Variants in STAG1 observed in about 807,000 individuals in gnomAD.
STAG1 encodes cohesin subunit SA-1.
A neutral mutation model predicts 170.9 loss-of-function variants in STAG1; 26 were observed. The observed-to-expected ratio is 0.15, with a 90% confidence interval of 0.11 to 0.21. STAG1 has a LOEUF of 0.21. STAG1 is among the 10% of genes least tolerant of loss of function. STAG1 has a pLI of 1.00. For missense variants in STAG1, 964 were observed against 1,509.5 expected, an observed-to-expected ratio of 0.64 and a Z score of 5.99; for synonymous variants, 514 against 497.7, an observed-to-expected ratio of 1.03 and a Z score of -0.44.
intron 14 of STAG1, among the ~76,000 whole-genome samples, chr3:136,449,849 TA>T (rs1310068757): frequency 6.6e-6 from 1 of 151,230 alleles, no homozygotes; most frequent in Non-Finnish European, 1.5e-5. Flanking sequence ...TCATATTCCC[TA>T]AACTTTTTAG....
intron 9 of STAG1, among the ~76,000 whole-genome samples, chr3:136,484,949 C>T (rs1471471570): frequency 1.3e-5 from 2 of 152,180 alleles, no homozygotes; most frequent in Admixed American, 6.5e-5. Flanking sequence ...GCACGGTGCG[C>T]GCACACACTG....
intron 6 of STAG1, among the ~76,000 whole-genome samples, chr3:136,537,460 T>A (rs1325438734): frequency 6.6e-6 from 1 of 151,888 alleles, no homozygotes; most frequent in African/African-American, 2.4e-5. Context: ...ACCACTTCAA[T>A]GACTTTAAGC....
chr3:136,608,017 G>A (rs1232023989), intron 3 of STAG1, among the ~76,000 whole-genome samples: 1 of 152,182 alleles, frequency 6.6e-6, no homozygotes, highest in Non-Finnish European at 1.5e-5. Flanking sequence ...AGCACCTTGG[G>A]AGGCCAAGGC....
At chr3:136,550,644 T>C (rs933564178) in intron 5 of STAG1, among the ~76,000 whole-genome samples, 2 of 152,076 alleles carry the variant, frequency 1.3e-5, no homozygotes, top group Non-Finnish European at 2.9e-5. Context: ...TCTTGATAGG[T>C]TGTATGTTTC....
chr3:136,574,330 ATGTG>A (rs566732708), intron 4 of STAG1, among the ~76,000 whole-genome samples: 2 of 150,872 alleles, frequency 1.3e-5, no homozygotes, highest in East Asian at 2.0e-4. Flanking sequence ...ATATATATGT[ATGTG>A]TGTGTGTATA....
At chr3:136,480,697 C>A (rs1167434569) in intron 9 of STAG1, among the ~76,000 whole-genome samples, 4 of 60,160 alleles carry the variant, frequency 6.6e-5, no homozygotes, top group African/African-American at 9.5e-5. Context: ...GATATTGATT[C>A]TTCCTACCCA....
At chr3:136,726,954 T>A (rs1232989038) in intron 1 of STAG1, among the ~76,000 whole-genome samples, 1 of 152,172 alleles carries the variant, frequency 6.6e-6, no homozygotes, top group African/African-American at 2.4e-5. Context: ...AAAAGATTTA[T>A]CCTTGCTCTT....
At chr3:136,650,175 G>A (rs1941167162) in intron 1 of STAG1, among the ~76,000 whole-genome samples, 1 of 151,408 alleles carries the variant, frequency 6.6e-6, no homozygotes, top group Non-Finnish European at 1.5e-5. Flanking sequence ...AGTCGAGGCT[G>A]CAGTGAGCTA....
At chr3:136,503,238 T>C (rs961711486) in intron 7 of STAG1, among the ~76,000 whole-genome samples, 1 of 152,190 alleles carries the variant, frequency 6.6e-6, no homozygotes, top group Non-Finnish European at 1.5e-5. Context: ...TACCCCCATA[T>C]ATGGTCCTCT....
chr3:136,443,166 T>A, intron 15 of STAG1, 121 bp downstream of exon 15: 1 of 575,352 alleles, frequency 1.7e-6, no homozygotes, highest in Non-Finnish European at 2.9e-6. Context: ...CAAATTGTTC[T>A]CTTGGCAAAA....
At chr3:136,406,748 T>TA (rs2087496247) in intron 21 of STAG1, among the ~76,000 whole-genome samples, 1 of 152,182 alleles carries the variant, frequency 6.6e-6, no homozygotes, top group Non-Finnish European at 1.5e-5. Context: ...AGCAGGATGC[T>TA]ATATCATAAG....
chr3:136,377,127 C>T (rs1456899170), intron 23 of STAG1, among the ~76,000 whole-genome samples: 10 of 147,330 alleles, frequency 6.8e-5, no homozygotes, highest in African/African-American at 1.2e-4. Flanking sequence ...CGGCCGGGCA[C>T]GGTGGCTCAC....
chr3:136,713,508 G>A (rs779259242), intron 1 of STAG1, among the ~76,000 whole-genome samples: 9 of 151,274 alleles, frequency 5.9e-5, no homozygotes, highest in Non-Finnish European at 1.3e-4. Flanking sequence ...GCTTGAATCC[G>A]GGAGGTGGAA....
intron 7 of STAG1, among the ~76,000 whole-genome samples, chr3:136,506,652 AAAAAAAAAAAG>A (rs1933782447): frequency 2.6e-5 from 4 of 151,666 alleles, no homozygotes; most frequent in Non-Finnish European, 5.9e-5. Flanking sequence ...CCTCAAAAAA[AAAAAAAAAAAG>A]AAAAGAAAAA....
intron 1 of STAG1, among the ~76,000 whole-genome samples, chr3:136,692,941 G>T (rs898536732): frequency 6.6e-6 from 1 of 152,146 alleles, no homozygotes; most frequent in Non-Finnish European, 1.5e-5. Flanking sequence ...AGAGACAGAT[G>T]TATGTTTCAA....
chr3:136,625,912 G>A (rs1940070151), intron 2 of STAG1, among the ~76,000 whole-genome samples: 2 of 152,322 alleles, frequency 1.3e-5, no homozygotes, highest in South Asian at 4.1e-4. Context: ...ATAAGACTGG[G>A]CGCAGTGGCT....
intron 21 of STAG1, among the ~76,000 whole-genome samples, chr3:136,415,925 T>C (rs1167039171): frequency 6.6e-6 from 1 of 152,112 alleles, no homozygotes; most frequent in Non-Finnish European, 1.5e-5. Context: ...AAGAGTACAA[T>C]CTAGTCATAT....
intron 26 of STAG1, among the ~76,000 whole-genome samples, chr3:136,360,773 A>C (rs1462963529): frequency 1.3e-5 from 2 of 151,876 alleles, no homozygotes; most frequent in East Asian, 3.9e-4. Context: ...GGTTCATGTC[A>C]TTCTCCTGCC....
At chr3:136,395,715 C>T (rs1317322708) in intron 22 of STAG1, among the ~76,000 whole-genome samples, 1 of 152,108 alleles carries the variant, frequency 6.6e-6, no homozygotes, top group Admixed American at 6.6e-5. Flanking sequence ...ATAACATATT[C>T]TAAATTTGCT....
Sources: allele counts gnomAD v4.1 joint callset (sites outside exome capture counted in the v4.1 genomes callset), GRCh38; gene constraint gnomAD v4.1.1; transcripts MANE v1.5; gene names NCBI Gene and HGNC (gene_info 2026-07-23, HGNC 2026-07-21).